Variants in AKAP17A observed in about 807,000 individuals in gnomAD.
AKAP17A encodes A-kinase anchoring protein 17A.
A neutral mutation model predicts 52.2 loss-of-function variants in AKAP17A; 15 were observed. The ratio of observed to expected loss-of-function variants is 0.29; its 90% CI spans 0.19 to 0.44. The LOEUF is 0.44. Ranked by LOEUF, AKAP17A falls within the 20% of genes least tolerant of loss-of-function variation. The probability of loss-of-function intolerance (pLI) is 1.00; values close to 1 mark genes in which losing one functional copy is unlikely to be tolerated. For missense variants in AKAP17A, 1,060 were observed against 1,007.0 expected, an observed-to-expected ratio of 1.05 and a Z score of -0.71; for synonymous variants, 514 against 424.7, an observed-to-expected ratio of 1.21 and a Z score of -2.58.
chrX:1,594,603 T>C (rs1214006328), intron 2 of AKAP17A, among the ~76,000 whole-genome samples: 1 of 151,730 alleles, frequency 6.6e-6, no homozygotes, highest in Non-Finnish European at 1.5e-5. Flanking sequence ...TGCTTTTTTA[T>C]TTTTTTTATT....
Position 1,593,753 on chromosome X carries a change from C to G in AKAP17A, c.291C>G (p.Asp97Glu). The G allele has an allele frequency of 6.2e-7, 1 of 1,613,926 alleles. No individual in the cohort carries two copies. Residue 97 changes from aspartate to glutamate, a missense_variant, in exon 2 of 5, where the codon GAC (aspartate) becomes GAG (glutamate). Coordinates refer to ENST00000313871, the MANE Select transcript of AKAP17A (RefSeq NM_005088.3). ...TCAAGTCTTTTCTGGCCTGCCTGGA[C>G]GGCAAGACCATCAAGCTCAGCGGCT... ...SLVKSFLACL[D>E]GKTIKLSGFS... is the part of the protein sequence containing the mutation.
chrX:1,594,650 G>T (rs1482864220), intron 2 of AKAP17A, among the ~76,000 whole-genome samples: 2 of 150,016 alleles, frequency 1.3e-5, no homozygotes, highest in South Asian at 2.1e-4. Context: ...GCAGAGTCTC[G>T]ATCTGTTTCC....
intron 3 of AKAP17A, among the ~76,000 whole-genome samples, chrX:1,598,622 C>T (rs1933157558): frequency 2.0e-5 from 3 of 152,146 alleles, no homozygotes; most frequent in South Asian, 2.1e-4. Flanking sequence ...CGCCCCTCCC[C>T]GGCCGCATTC....
chrX:1,592,862 G>A (rs1432978052), intron 1 of AKAP17A, among the ~76,000 whole-genome samples: 3 of 152,190 alleles, frequency 2.0e-5, no homozygotes, highest in Non-Finnish European at 4.4e-5. Context: ...TTTTGGCTTT[G>A]AGTGGGTTAA....
chrX:1,599,917 A>G (rs1360872110), intron 4 of AKAP17A: 2 of 527,600 alleles, frequency 3.8e-6, no homozygotes, highest in Non-Finnish European at 6.9e-6. Context: ...TGAACCTGAC[A>G]GGTCTCACCA....
intron 4 of AKAP17A, 71 bp downstream of exon 4, chrX:1,599,503 G>A (rs1257098503): frequency 3.2e-6 from 5 of 1,548,862 alleles, no homozygotes; most frequent in Non-Finnish European, 4.4e-6. Context: ...CTGAAATGCG[G>A]GCGGCGTCAC....
At chrX:1,599,064 G>A (rs1933193631) in intron 3 of AKAP17A, 128 bp from the exon 4 acceptor site, 1 of 1,431,464 alleles carries the variant, frequency 7.0e-7, no homozygotes, top group Non-Finnish European at 9.4e-7. Context: ...GTCCACCTTG[G>A]GATAAAGAGT....
Position 1,598,629 on chromosome X carries a change from A to G in AKAP17A, c.912-563A>G, listed in dbSNP as rs371694838. On this transcript the variant is annotated intron_variant, in intron 3 of 4. Coordinates refer to ENST00000313871, the MANE Select transcript of AKAP17A (RefSeq NM_005088.3). ...GGGGACCGCGCCCCTCCCCGGCCGC[A>G]TTCATCCTCACTTCCTGGACACCCC... 5.3e-5 allele frequency among the ~76,000 whole-genome samples: 8 copies of G among 152,226 alleles called. No homozygotes were observed. The East Asian group carries it at 7.7e-4, about 15-fold the overall frequency.
rs759769518 is a variant in AKAP17A, at chrX:1,600,645, C to T, written c.1153-14C>T. 868 of 1,524,646 alleles carry T rather than the reference C, an allele frequency of 5.7e-4. No homozygotes were observed. The highest frequency in any genetic ancestry group is 7.0e-4 in the Middle Eastern group (3 of 4,306). The allele number at this position is 1,524,646 out of a possible 1,614,324, so 94.4% of individuals were successfully genotyped here. A position where few individuals can be genotyped will look rare whatever the true frequency, so the allele number is the denominator to read the frequency against. On this transcript the variant is annotated splice_polypyrimidine_tract_variant and intron_variant, in intron 4 of 4. Transcript: ENST00000313871. Reference sequence around the variant, plus strand: ...CAGGAACCGGGCTCAGCTGCACTTTCCTCTTCCCCGCAGGCTGTGAAGCTA... The same window carrying T: ...CAGGAACCGGGCTCAGCTGCACTTTTCTCTTCCCCGCAGGCTGTGAAGCTA...
At chrX:1,597,284 G>T (rs778487199) in intron 3 of AKAP17A, among the ~76,000 whole-genome samples, 1 of 152,142 alleles carries the variant, frequency 6.6e-6, no homozygotes, top group East Asian at 1.9e-4. Flanking sequence ...TCTGAACCCC[G>T]AGGGCTCCTT....
At chrX:1,595,314 A>G in intron 2 of AKAP17A, 70 bp from the exon 3 acceptor site, 1 of 1,599,686 alleles carries the variant, frequency 6.3e-7, no homozygotes, top group East Asian at 2.2e-5. Context: ...ACGGCCCAGG[A>G]GAGGGCGCCT....
chrX:1,600,179 A>C, intron 4 of AKAP17A: 2 of 1,306,586 alleles, frequency 1.5e-6, no homozygotes, highest in Non-Finnish European at 2.0e-6. Flanking sequence ...AGAGGCTGAG[A>C]CATGTGGCAG....
At chrX:1,593,314 C>T (rs1932871143) in intron 1 of AKAP17A, 130 bp from the exon 2 acceptor site, 4 of 915,800 alleles carry the variant, frequency 4.4e-6, no homozygotes, top group South Asian at 3.2e-5. Flanking sequence ...GGAAACCGGT[C>T]TCTGACACGG....
intron 1 of AKAP17A, among the ~76,000 whole-genome samples, chrX:1,592,910 G>T (rs1264283073): frequency 6.6e-6 from 1 of 152,158 alleles, no homozygotes; most frequent in African/African-American, 2.4e-5. Flanking sequence ...GATTACTAGG[G>T]TTCATGGTTC....
chrX:1,600,220 G>A, intron 4 of AKAP17A: 3 of 1,316,350 alleles, frequency 2.3e-6, no homozygotes, highest in Non-Finnish European at 3.0e-6. Flanking sequence ...GAATATTGAA[G>A]ACACTAACCC....
chrX:1,596,500 C>A (rs866358565), intron 3 of AKAP17A, among the ~76,000 whole-genome samples: 3,870 of 31,352 alleles, frequency 0.12, 56 homozygotes, highest in African/African-American at 0.15. Context: ...CTCCTCCATC[C>A]CTCCCACCCT....
Position 1,594,166 on chromosome X carries a change from G to A in AKAP17A, c.704G>A (p.Arg235His). 1.9e-6 allele frequency: 3 copies of A among 1,598,872 alleles called. No individual in the cohort carries two copies. The highest frequency in any genetic ancestry group is 1.3e-5 in the African/African-American group (1 of 74,576). The stretch of plus-strand genomic sequence containing the variant: ...TTCATCCAGGCCATGAGCGCCCTGC[G>A]CGGGATGAAACTCATGTACAAGGGC... ...MGFIQAMSAL[R>H]GMKLMYKGED... is the part of the protein sequence containing the mutation. Residue 235 changes from arginine (R) to histidine (H), a missense_variant, in exon 2 of 5, where the codon CGC (arginine) becomes CAC (histidine). By Grantham distance (29) the Arg-to-His change is conservative. Around this residue, in one of 2 missense-constraint regions of AKAP17A, gnomAD observed 267 missense variants for 377.1 expected, o/e 0.71. Coordinates refer to ENST00000313871, the MANE Select transcript of AKAP17A (RefSeq NM_005088.3).
In AKAP17A at chrX:1,593,681, C is replaced by T. The variant is rs1462375971; in HGVS notation, c.219C>T (p.Thr73=). The T allele has an allele frequency of 1.9e-6, 3 of 1,613,952 alleles. No individual in the cohort carries two copies. Among genetic ancestry groups the T allele is most frequent in the Admixed American group, 1.7e-5 (1 of 60,006 alleles). ...QFSTLRISKS[T]MDFIRFEGEV... ...CCACGCTGCGTATTTCCAAGAGCAC[C>T]ATGGACTTCATCCGCTTCGAGGGGG... Residue 73 remains threonine (T), a synonymous_variant, in exon 2 of 5, where the codon ACC becomes ACT. Transcript: ENST00000313871.
chrX:1,600,994 C>A lies in AKAP17A; in HGVS notation c.1488C>A (p.Pro496=). The change falls in exon 5 of 5, where the codon CCC becomes CCA. Residue 496 remains proline (P), a synonymous_variant. Transcript: ENST00000313871. ...GGGGCCAGCCCCCGGCCGGTGCCCCCAAGGAGAGCCCGGCCCACCCAGAGG... is the reference window on the plus strand; with the variant it reads ...GGGGCCAGCCCCCGGCCGGTGCCCCAAAGGAGAGCCCGGCCCACCCAGAGG... ...PLGGQPPAGA[P]KESPAHPEAD... The A allele has an allele frequency of 6.2e-7, 1 of 1,603,256 alleles. No individual in the cohort carries two copies. The highest frequency in any genetic ancestry group is 1.1e-5 in the South Asian group (1 of 90,156).
Sources: gnomAD v4.1 joint callset for allele counts (sites outside exome capture counted in the v4.1 genomes callset) on GRCh38, gnomAD v4.1.1 for gene constraint, gnomAD v4.1.1 regional missense constraint, MANE v1.5 for transcripts, NCBI Gene and HGNC (gene_info 2026-07-23, HGNC 2026-07-21) for gene names.